The following GABRG3 variants were observed in gnomAD, a reference collection of about 807,000 sequenced individuals.
GABRG3 encodes gamma-aminobutyric acid receptor subunit gamma-3.
Under a neutral mutation model 48.8 loss-of-function variants are expected in GABRG3, and 25 were observed. That is an observed-to-expected ratio of 0.51 (90% CI 0.37 to 0.72). The LOEUF (loss-of-function observed/expected upper bound fraction) is 0.72. Among genes scored for constraint, GABRG3 ranks in the 30% least tolerant of loss-of-function variants. GABRG3 has a pLI of 0.00. For missense variants in GABRG3, 394 were observed against 577.9 expected (o/e 0.68, Z 3.26); for synonymous variants, 227 against 217.6 (o/e 1.04, Z -0.38).
intron 3 of GABRG3, among the ~76,000 whole-genome samples, chr15:27,147,711 A>G (rs1185473421): frequency 6.6e-6 from 1 of 152,042 alleles, no homozygotes; most frequent in African/African-American, 2.4e-5. Context: ...TAACCAATAT[A>G]CACCAAAATA....
At chr15:27,154,213 G>A (rs915033366) in intron 3 of GABRG3, among the ~76,000 whole-genome samples, 5 of 152,112 alleles carry the variant, frequency 3.3e-5, no homozygotes, top group Admixed American at 2.0e-4. Flanking sequence ...TATGTGGCAT[G>A]GTGTAGCAAG....
intron 2 of GABRG3, among the ~76,000 whole-genome samples, chr15:26,999,491 T>A (rs1895405166): frequency 6.6e-6 from 1 of 152,160 alleles, no homozygotes. Flanking sequence ...TCCTTTGTGT[T>A]TCATGTGTTT....
intron 3 of GABRG3, among the ~76,000 whole-genome samples, chr15:27,284,153 A>T (rs1379205572): frequency 6.6e-6 from 1 of 152,216 alleles, no homozygotes; most frequent in Non-Finnish European, 1.5e-5. Context: ...TGAGAATTAA[A>T]AGTTTGTGGC....
intron 3 of GABRG3, among the ~76,000 whole-genome samples, chr15:27,254,444 T>C (rs748120898): frequency 6.6e-6 from 1 of 152,106 alleles, no homozygotes; most frequent in Non-Finnish European, 1.5e-5. Context: ...TTCTCTGTGG[T>C]TGCTTGTCTT....
intron 2 of GABRG3, among the ~76,000 whole-genome samples, chr15:27,012,598 CTA>C (rs1230314355): frequency 1.2e-4 from 18 of 152,172 alleles, no homozygotes; most frequent in African/African-American, 3.9e-4. Context: ...TGTATTAACT[CTA>C]TAGGAAGGAA....
At chr15:27,199,101 A>C (rs2140427658) in intron 3 of GABRG3, among the ~76,000 whole-genome samples, 1 of 152,276 alleles carries the variant, frequency 6.6e-6, no homozygotes, top group Admixed American at 6.5e-5. Flanking sequence ...CTGTGTAACA[A>C]ACCTGCACGT....
At chr15:27,033,513 ACCT>A (rs1398904967) in intron 3 of GABRG3, among the ~76,000 whole-genome samples, 3 of 151,830 alleles carry the variant, frequency 2.0e-5, no homozygotes, top group Admixed American at 2.0e-4. Context: ...TGCTTTGGTA[ACCT>A]CCTGAACTGC....
rs566178853 is a variant in GABRG3 at position 27,412,633 on chromosome 15, C to T, written c.575-68017C>T. Among the ~76,000 whole-genome samples the T allele has an allele frequency of 8.5e-5, 13 of 152,266 alleles. No homozygotes were observed. In the South Asian group the frequency reaches 1.5e-3, roughly 17 times the overall value. ...GGAAGAGGAAATCAGATGTTCTTGG[C>T]AGCTCTCACACGCTTGAACGTGGAA... On this transcript the variant is annotated intron_variant, in intron 5 of 9. Coordinates refer to ENST00000615808, the MANE Select transcript of GABRG3 (RefSeq NM_033223.5).
At chr15:27,424,602 G>A (rs1473894400) in intron 5 of GABRG3, among the ~76,000 whole-genome samples, 1 of 147,200 alleles carries the variant, frequency 6.8e-6, no homozygotes, top group Non-Finnish European at 1.5e-5. Context: ...CACCCAGGCT[G>A]GAGTGCAATG....
At chr15:27,061,871 C>T (rs1415940787) in intron 3 of GABRG3, among the ~76,000 whole-genome samples, 1 of 152,158 alleles carries the variant, frequency 6.6e-6, no homozygotes, top group Non-Finnish European at 1.5e-5. Flanking sequence ...TCCTGCTGTG[C>T]TCCCGAGAGG....
At chr15:27,120,842 G>C (rs1159340976) in intron 3 of GABRG3, among the ~76,000 whole-genome samples, 1 of 152,090 alleles carries the variant, frequency 6.6e-6, no homozygotes, top group African/African-American at 2.4e-5. Flanking sequence ...TGAGATTATA[G>C]CTCCATTGTC....
At chr15:27,187,545 G>T (rs1461703527) in intron 3 of GABRG3, among the ~76,000 whole-genome samples, 1 of 152,030 alleles carries the variant, frequency 6.6e-6, no homozygotes, top group East Asian at 1.9e-4. Context: ...ATGAGCATGG[G>T]ATGTTTGTCC....
chr15:27,057,093 T>C (rs1420053564), intron 3 of GABRG3, among the ~76,000 whole-genome samples: 2 of 152,202 alleles, frequency 1.3e-5, no homozygotes, highest in Non-Finnish European at 2.9e-5. Context: ...CTTCCAACAG[T>C]GGCCAGAACC....
At chr15:27,346,611 G>C (rs993733043) in intron 5 of GABRG3, among the ~76,000 whole-genome samples, 9 of 146,100 alleles carry the variant, frequency 6.2e-5, no homozygotes, top group South Asian at 2.3e-4. Context: ...CATGGTTCAT[G>C]AATGTTCTAG....
chr15:27,426,998 A>G (rs770225616), intron 5 of GABRG3, among the ~76,000 whole-genome samples: 6 of 152,196 alleles, frequency 3.9e-5, no homozygotes, highest in Non-Finnish European at 7.3e-5. Flanking sequence ...AGAGCTCTGA[A>G]TGACAACCAA....
At chr15:27,190,476 T>G (rs2140422168) in intron 3 of GABRG3, among the ~76,000 whole-genome samples, 1 of 152,290 alleles carries the variant, frequency 6.6e-6, no homozygotes, top group East Asian at 1.9e-4. Flanking sequence ...TGTTGAGGAA[T>G]TTATCCATTT....
chr15:27,144,798 G>A (rs1009837819), intron 3 of GABRG3, among the ~76,000 whole-genome samples: 2 of 152,198 alleles, frequency 1.3e-5, no homozygotes, highest in Admixed American at 6.5e-5. Context: ...ACATATCTAC[G>A]TGAGAATTGA....
At chr15:27,440,690 T>G (rs1369244888) in intron 5 of GABRG3, among the ~76,000 whole-genome samples, 1 of 152,214 alleles carries the variant, frequency 6.6e-6, no homozygotes, top group African/African-American at 2.4e-5. Context: ...TTTGTAATAT[T>G]CCTTCTCTAT....
intron 5 of GABRG3, among the ~76,000 whole-genome samples, chr15:27,388,249 G>A (rs1595721424): frequency 4.8e-5 from 2 of 41,476 alleles, no homozygotes; most frequent in Non-Finnish European, 9.2e-5. Context: ...AGGGAGGAAA[G>A]GAAGGAAGGA....
Sources: allele counts gnomAD v4.1 joint callset (sites outside exome capture counted in the v4.1 genomes callset), GRCh38; gene constraint gnomAD v4.1.1; transcripts MANE v1.5; gene names NCBI Gene and HGNC (gene_info 2026-07-23, HGNC 2026-07-21).